Variants in DIS3L2 observed in about 807,000 individuals in gnomAD.
The protein encoded by DIS3L2 is DIS3-like exonuclease 2.
In DIS3L2, 34 loss-of-function variants were observed where a neutral mutation model predicts 97.5. The ratio of observed to expected loss-of-function variants is 0.35; its 90% CI spans 0.27 to 0.46. The LOEUF (loss-of-function observed/expected upper bound fraction) is 0.46, where lower values mean the gene tolerates loss of function less well. DIS3L2 is among the 20% of genes least tolerant of loss of function. The pLI is 1.00. For missense variants in DIS3L2, 1,038 were observed against 1,146.0 expected, an observed-to-expected ratio of 0.91 and a Z score of 1.36; for synonymous variants, 435 against 445.2, an observed-to-expected ratio of 0.98 and a Z score of 0.29.
chr2:232,262,437 A>C (rs12471102), intron 12 of DIS3L2, among the ~76,000 whole-genome samples: 7,973 of 152,314 alleles, frequency 0.052, 798 homozygotes, highest in East Asian at 0.44. Context: ...CCACCACTAA[A>C]CTTGGGTATA....
intron 5 of DIS3L2, among the ~76,000 whole-genome samples, chr2:232,069,222 A>G (rs189150852): frequency 1.3e-5 from 2 of 152,322 alleles, no homozygotes; most frequent in East Asian, 3.9e-4. Flanking sequence ...ATCTTTAAAT[A>G]TAGATGATCT....
At chr2:232,118,403 G>A (rs11690241) in intron 6 of DIS3L2, among the ~76,000 whole-genome samples, 2,223 of 152,298 alleles carry the variant, frequency 0.015, 21 homozygotes, top group Non-Finnish European at 0.021. Context: ...TTCCAACCAA[G>A]TGTGTGATCT....
chr2:232,113,488 C>G (rs1697603429), intron 6 of DIS3L2, among the ~76,000 whole-genome samples: 1 of 152,200 alleles, frequency 6.6e-6, no homozygotes, highest in African/African-American at 2.4e-5. Flanking sequence ...GGTTCCACTC[C>G]TTTTATCTTA....
chr2:232,331,013 G>C (rs796081767), intron 16 of DIS3L2, among the ~76,000 whole-genome samples: 1 of 140,608 alleles, frequency 7.1e-6, no homozygotes, highest in Admixed American at 7.1e-5. Flanking sequence ...GCTCACACTC[G>C]CTCAAGGACA....
At chr2:232,334,085 C>G in intron 17 of DIS3L2, 98 bp downstream of exon 17, 1 of 1,492,456 alleles carries the variant, frequency 6.7e-7, no homozygotes, top group South Asian at 1.3e-5. Flanking sequence ...TCTGCCGTGA[C>G]AGCGGAGGTC....
intron 9 of DIS3L2, among the ~76,000 whole-genome samples, chr2:232,193,045 T>G (rs947540538): frequency 3.9e-5 from 6 of 152,208 alleles, no homozygotes; most frequent in Admixed American, 3.9e-4. Flanking sequence ...GCTACCACGG[T>G]GCTCTCCGGG....
At chr2:232,252,858 G>A (rs1039743723) in intron 12 of DIS3L2, among the ~76,000 whole-genome samples, 3 of 152,040 alleles carry the variant, frequency 2.0e-5, no homozygotes, top group Non-Finnish European at 1.5e-5. Flanking sequence ...CCATGATCAC[G>A]CCACGCAATC....
chr2:232,193,637 T>G (rs1377525589), intron 9 of DIS3L2, among the ~76,000 whole-genome samples: 2 of 152,206 alleles, frequency 1.3e-5, no homozygotes, highest in Non-Finnish European at 2.9e-5. Flanking sequence ...TCATCTATCA[T>G]TGGGTATTAA....
chr2:231,972,202 A>G (rs1236485524), intron 1 of DIS3L2, among the ~76,000 whole-genome samples: 1 of 151,720 alleles, frequency 6.6e-6, no homozygotes, highest in Non-Finnish European at 1.5e-5. Context: ...AAAAAATAAA[A>G]AATAAATAAA....
intron 6 of DIS3L2, among the ~76,000 whole-genome samples, chr2:232,116,233 A>G (rs2106336977): frequency 1.3e-5 from 2 of 152,084 alleles, no homozygotes; most frequent in East Asian, 3.9e-4. Flanking sequence ...ACAGATGAAT[A>G]CTATTGTGAA....
chr2:232,336,642 CGCCTGCCCCGCCTGCCCCGCCT>C lies in DIS3L2; in HGVS notation c.*18_*39del, dbSNP rs1559221859. ...CAAGCACCAGCTGAGCTCCACCAGC[CGCCTGCCCCGCCTGCCCCGCCT>C]GCCTGTCCCGCCACACTGGCTTTAG... On this transcript the variant is annotated 3_prime_UTR_variant, in exon 21 of 21. Transcript: ENST00000325385. 10 of 1,495,232 alleles carry C rather than the reference CGCCTGCCCCGCCTGCCCCGCCT, an allele frequency of 6.7e-6. No individual in the cohort carries two copies. The highest frequency in any genetic ancestry group is 6.3e-5 in the South Asian group (5 of 78,760). The allele number at this position is 1,495,232 out of a possible 1,614,324, so 92.6% of individuals were successfully genotyped here.
At chr2:232,050,571 C>T (rs796485251) in intron 5 of DIS3L2, among the ~76,000 whole-genome samples, 37 of 152,294 alleles carry the variant, frequency 2.4e-4, no homozygotes, top group African/African-American at 7.5e-4. Flanking sequence ...CCACTGCACC[C>T]GGCCGGTTGT....
intron 4 of DIS3L2, 144 bp downstream of exon 4, chr2:232,024,474 A>G (rs1255377605): frequency 1.4e-6 from 1 of 694,294 alleles, no homozygotes; most frequent in Non-Finnish European, 2.4e-6. Context: ...AAATTTAAAT[A>G]AACTAAATTT....
At chr2:232,270,916 G>A (rs376031605) in intron 13 of DIS3L2, among the ~76,000 whole-genome samples, 1 of 47,970 alleles carries the variant, frequency 2.1e-5, no homozygotes, top group African/African-American at 8.4e-5. Context: ...CTCTCTCTCT[G>A]TCTCGTCTCT....
At chr2:232,054,228 A>G (rs1030008359) in intron 5 of DIS3L2, among the ~76,000 whole-genome samples, 1 of 152,180 alleles carries the variant, frequency 6.6e-6, no homozygotes, top group Admixed American at 6.5e-5. Flanking sequence ...AACAAATATT[A>G]TTTTGGACAT....
intron 13 of DIS3L2, among the ~76,000 whole-genome samples, chr2:232,274,643 C>T (rs1694093237): frequency 6.6e-6 from 1 of 152,182 alleles, no homozygotes; most frequent in Non-Finnish European, 1.5e-5. Flanking sequence ...TTTCCCCTTG[C>T]CACTCAAGAG....
intron 1 of DIS3L2, among the ~76,000 whole-genome samples, chr2:231,985,329 A>G (rs1193870495): frequency 6.6e-6 from 1 of 152,232 alleles, no homozygotes; most frequent in Non-Finnish European, 1.5e-5. Flanking sequence ...AGAATCATAT[A>G]GTATGTAACC....
chr2:232,283,771 A>G (rs1395013432), intron 13 of DIS3L2, among the ~76,000 whole-genome samples: 3 of 152,222 alleles, frequency 2.0e-5, no homozygotes, highest in Admixed American at 1.3e-4. Context: ...GGTAGTTGCC[A>G]GGAGCTAGGG....
intron 8 of DIS3L2, among the ~76,000 whole-genome samples, chr2:232,156,750 C>G (rs1690506498): frequency 6.6e-6 from 1 of 152,138 alleles, no homozygotes; most frequent in South Asian, 2.1e-4. Flanking sequence ...TCACTGTGTT[C>G]TAGGTCAGCC....
Sources: gnomAD v4.1 joint callset for allele counts (sites outside exome capture counted in the v4.1 genomes callset) on GRCh38, gnomAD v4.1.1 for gene constraint, MANE v1.5 for transcripts, NCBI Gene and HGNC (gene_info 2026-07-23, HGNC 2026-07-21) for gene names.